RBFOX1: variants seen among roughly 807,000 people sequenced by gnomAD.
RBFOX1 encodes the protein RNA binding protein fox-1 homolog 1.
Under a neutral mutation model 57.7 loss-of-function variants are expected in RBFOX1, and 8 were observed. The ratio of observed to expected loss-of-function variants is 0.14; its 90% confidence interval spans 0.08 to 0.25. The LOEUF (loss-of-function observed/expected upper bound fraction) is 0.25, where lower values mean the gene tolerates loss of function less well. Ranked by LOEUF, RBFOX1 falls within the 10% of genes least tolerant of loss-of-function variation. The pLI, the probability that RBFOX1 is intolerant of heterozygous loss-of-function variation, is 1.00. For missense variants in RBFOX1, 611 were observed against 548.5 expected (o/e 1.11, Z -1.14); for synonymous variants, 326 against 222.4 (o/e 1.47, Z -4.15).
intron 4 of RBFOX1, among the ~76,000 whole-genome samples, chr16:7,333,999 A>G (rs180998792): frequency 3.3e-5 from 5 of 152,134 alleles, no homozygotes; most frequent in Non-Finnish European, 7.3e-5. Flanking sequence ...ATATTTAGGT[A>G]CGTCCTTTCA....
At chr16:7,690,696 T>C (rs929995490) in intron 14 of RBFOX1, among the ~76,000 whole-genome samples, 8 of 152,136 alleles carry the variant, frequency 5.3e-5, no homozygotes, top group African/African-American at 1.9e-4. Context: ...GTTGTTTGGA[T>C]ATAGCGGAGA....
chr16:7,503,363 G>A (rs945724270), intron 4 of RBFOX1, among the ~76,000 whole-genome samples: 3 of 152,100 alleles, frequency 2.0e-5, no homozygotes, highest in Non-Finnish European at 4.4e-5. Context: ...ACATTCGATC[G>A]ATCAATTTCC....
chr16:7,305,943 C>A (rs890756988), intron 4 of RBFOX1, among the ~76,000 whole-genome samples: 5 of 152,118 alleles, frequency 3.3e-5, no homozygotes, highest in African/African-American at 1.2e-4. Context: ...TGTGTATGTG[C>A]ATGTGCGTTT....
At chr16:6,483,832 G>T (rs982740022) in intron 2 of RBFOX1, 11 of 1,267,108 alleles carry the variant, frequency 8.7e-6, no homozygotes, top group Non-Finnish European at 6.0e-6. Flanking sequence ...TAGAATAGGG[G>T]ACTTGGCCGT....
At chr16:7,198,765 C>T (rs1442253515) in intron 4 of RBFOX1, among the ~76,000 whole-genome samples, 2 of 152,318 alleles carry the variant, frequency 1.3e-5, no homozygotes, top group Admixed American at 6.5e-5. Context: ...GTAATCTAAT[C>T]ACCTCTTACT....
intron 4 of RBFOX1, among the ~76,000 whole-genome samples, chr16:7,245,367 G>T (rs2094248562): frequency 6.6e-6 from 1 of 152,000 alleles, no homozygotes; most frequent in Admixed American, 6.6e-5. Context: ...AGGATGTGCA[G>T]GTTCATTGCA....
chr16:7,424,114 C>T (rs182609100), intron 4 of RBFOX1, among the ~76,000 whole-genome samples: 1 of 152,060 alleles, frequency 6.6e-6, no homozygotes, highest in South Asian at 2.1e-4. Context: ...TTCAGAGCTT[C>T]TTAAGTAATG....
chr16:7,192,644 C>G (rs1004654900), intron 4 of RBFOX1, among the ~76,000 whole-genome samples: 1 of 152,112 alleles, frequency 6.6e-6, no homozygotes, highest in Non-Finnish European at 1.5e-5. Context: ...CAGTTTAGAT[C>G]ATAGTATTGT....
At position 6,118,129 on chromosome 16, in the gene RBFOX1, A is replaced by T. The variant is rs74004776; in HGVS notation, c.-127+98137A>T. Among the ~76,000 whole-genome samples, 292 of 152,334 alleles carry T rather than the reference A, an allele frequency of 1.9e-3. 3 individuals are homozygous for T. Among genetic ancestry groups the T allele is most frequent in the African/African-American group, 6.2e-3 (259 of 41,580 alleles). On this transcript the variant is annotated intron_variant, in intron 1 of 15. Coordinates refer to ENST00000550418, the MANE Select transcript of RBFOX1 (RefSeq NM_018723.4). Reference sequence around the variant, plus strand: ...TTAACATTTTATATCACCATAATACAATAATAGAAACTAATAAGTTAGCAT... The same window carrying T: ...TTAACATTTTATATCACCATAATACTATAATAGAAACTAATAAGTTAGCAT...
intron 2 of RBFOX1, among the ~76,000 whole-genome samples, chr16:6,355,208 G>A (rs1481758771): frequency 2.0e-5 from 3 of 152,058 alleles, no homozygotes; most frequent in Non-Finnish European, 2.9e-5. Context: ...ATAGGTATAC[G>A]TGTGCCATGG....
At chr16:6,107,378 C>G (rs1216220949) in intron 1 of RBFOX1, among the ~76,000 whole-genome samples, 2 of 152,078 alleles carry the variant, frequency 1.3e-5, no homozygotes, top group Non-Finnish European at 2.9e-5. Flanking sequence ...TAACCTCTTT[C>G]TTATCCACAT....
At chr16:7,446,515 GA>G (rs2098808875) in intron 4 of RBFOX1, among the ~76,000 whole-genome samples, 3 of 152,188 alleles carry the variant, frequency 2.0e-5, no homozygotes, top group Admixed American at 2.0e-4. Context: ...GAAGAAGCAA[GA>G]AGGTTGGGAA....
intron 3 of RBFOX1, among the ~76,000 whole-genome samples, chr16:6,973,281 A>T (rs1373567523): frequency 6.6e-6 from 1 of 152,194 alleles, no homozygotes; most frequent in South Asian, 2.1e-4. Flanking sequence ...AATCAAGTTG[A>T]TGCATTTTCT....
chr16:6,277,458 C>CAAAAAAAA (rs59733415), intron 1 of RBFOX1, among the ~76,000 whole-genome samples: 1,230 of 80,680 alleles, frequency 0.015, 17 homozygotes, highest in African/African-American at 0.041. Flanking sequence ...GTCTGTCTCC[C>CAAAAAAAA]AAAAAAAAAA....
chr16:5,513,373 A>G (rs982869492), intron 2 of RBFOX1, among the ~76,000 whole-genome samples: 2 of 152,170 alleles, frequency 1.3e-5, no homozygotes, highest in African/African-American at 4.8e-5. Context: ...CCCTTTAATC[A>G]TGTCATATCG....
chr16:7,707,433 TTGGGCTC>T (rs2082830332), intron 14 of RBFOX1, among the ~76,000 whole-genome samples: 1 of 152,058 alleles, frequency 6.6e-6, no homozygotes, highest in Non-Finnish European at 1.5e-5. Context: ...TACGTGCAAA[TTGGGCTC>T]TAAGGGATGA....
At chr16:5,713,688 C>A (rs1396977868) in intron 3 of RBFOX1, among the ~76,000 whole-genome samples, 1 of 152,196 alleles carries the variant, frequency 6.6e-6, no homozygotes. Flanking sequence ...TAAGTTCTTG[C>A]TCTATGTCAT....
At chr16:5,926,225 T>A (rs2058937843) in intron 4 of RBFOX1, among the ~76,000 whole-genome samples, 1 of 152,264 alleles carries the variant, frequency 6.6e-6, no homozygotes, top group Non-Finnish European at 1.5e-5. Flanking sequence ...ATTACCCATA[T>A]GACACTTTGG....
At chr16:6,674,859 G>C (rs1169352256) in intron 3 of RBFOX1, among the ~76,000 whole-genome samples, 2 of 152,090 alleles carry the variant, frequency 1.3e-5, no homozygotes, top group Non-Finnish European at 2.9e-5. Flanking sequence ...CCAGAACTGG[G>C]AGAGAATAAA....
Sources: gnomAD v4.1 joint callset for allele counts (sites outside exome capture counted in the v4.1 genomes callset) on GRCh38, gnomAD v4.1.1 for gene constraint, MANE v1.5 for transcripts, NCBI Gene and HGNC (gene_info 2026-07-23, HGNC 2026-07-21) for gene names.